The following UFSP2 variants were observed in gnomAD, a reference collection of about 807,000 sequenced individuals.
The protein encoded by UFSP2 is ufm1-specific protease 2.
Under a neutral mutation model 60.2 loss-of-function variants are expected in UFSP2, and 43 were observed. The observed-to-expected ratio is 0.71, with a 90% CI of 0.56 to 0.92. The LOEUF (loss-of-function observed/expected upper bound fraction) is 0.92. Among genes scored for constraint, UFSP2 ranks in the 40% least tolerant of loss-of-function variants. The pLI, the probability that UFSP2 is intolerant of heterozygous loss-of-function variation, is 0.00. For missense variants in UFSP2, 520 were observed against 575.0 expected (o/e 0.90, Z 0.98); for synonymous variants, 183 against 195.1 (o/e 0.94, Z 0.52).
Position 185,415,227 on chromosome 4 carries a change from T to G in UFSP2, c.612A>C (p.Pro204=). The change falls in exon 6 of 12, where the codon CCA becomes CCC. Residue 204 remains proline, a synonymous_variant. Coordinates refer to ENST00000264689, the MANE Select transcript of UFSP2 (RefSeq NM_018359.5). ...AAATTGTTACAAGATTTTTTTTCCC[T>G]GGTAATAAAAAGTGCAGTGGTTCAG... ...VVPEPLHFLL[P]GKKNLVTISY... 1 of 1,606,468 alleles carries G rather than the reference T, an allele frequency of 6.2e-7. No individual in the cohort carries two copies. The highest frequency in any genetic ancestry group is 8.5e-7 in the Non-Finnish European group (1 of 1,178,512).
chr4:185,422,703 T>G (rs1028437875), intron 1 of UFSP2, 140 bp from the exon 2 acceptor site: 1 of 691,780 alleles, frequency 1.4e-6, no homozygotes, highest in African/African-American at 1.9e-5. Flanking sequence ...ATTCCTTGTT[T>G]TATAGAAAAA....
At chr4:185,402,621 G>A (rs999046838) in intron 11 of UFSP2, among the ~76,000 whole-genome samples, 9 of 152,080 alleles carry the variant, frequency 5.9e-5, no homozygotes, top group South Asian at 2.1e-4. Context: ...GATTATAGGC[G>A]CCCACCACCA....
intron 11 of UFSP2, chr4:185,402,116 TC>T: frequency 3.5e-6 from 1 of 287,382 alleles, no homozygotes; most frequent in Non-Finnish European, 7.1e-6. Context: ...ATTTTTTTTT[TC>T]TCGAGAGTCC....
intron 10 of UFSP2, 89 bp from the exon 11 acceptor site, chr4:185,403,707 G>C (rs566780188): frequency 6.7e-7 from 1 of 1,497,702 alleles, no homozygotes; most frequent in African/African-American, 1.4e-5. Flanking sequence ...ACGGCCGGGC[G>C]TGGTGGCTCA....
chr4:185,422,223 A>T (rs2095550690), intron 2 of UFSP2, among the ~76,000 whole-genome samples: 1 of 152,242 alleles, frequency 6.6e-6, no homozygotes, highest in Non-Finnish European at 1.5e-5. Flanking sequence ...GGATATTTAC[A>T]TTTATTGTAA....
rs1375667872 is a variant in UFSP2, at chr4:185,418,358, T to G, written c.333+83A>C. ...ATATTCTGACCTATGATAAGAGGGT[T>G]AAATTATTTCTAAGATTGCACTCAG... On this transcript the variant is annotated intron_variant, in intron 4 of 11. Coordinates refer to ENST00000264689, the MANE Select transcript of UFSP2 (RefSeq NM_018359.5). 1.1e-5 allele frequency: 12 copies of G among 1,083,690 alleles called. No individual in the cohort carries two copies. In the South Asian group the frequency reaches 1.4e-4, roughly 12 times the overall value. 67.1% of individuals were successfully genotyped at this position (1,083,690 alleles called of 1,614,324 possible).
rs1029329906 is a variant in UFSP2, at chr4:185,425,904, T to C, written c.-36A>G. 202 of 1,584,812 alleles carry C rather than the reference T, an allele frequency of 1.3e-4. No homozygotes were observed. Among genetic ancestry groups the C allele is most frequent in the Non-Finnish European group, 1.6e-4 (185 of 1,165,984 alleles). On this transcript the variant is annotated 5_prime_UTR_variant, in exon 1 of 12. Coordinates refer to ENST00000264689, the MANE Select transcript of UFSP2 (RefSeq NM_018359.5). Reference sequence around the variant, plus strand: ...TGGCGGTGACACGGGCGCTGACGCCTGCCCAAAAGTTCCGGGGGCCGGCCC... The same window carrying C: ...TGGCGGTGACACGGGCGCTGACGCCCGCCCAAAAGTTCCGGGGGCCGGCCC...
At chr4:185,419,090 C>T (rs1306636673) in intron 2 of UFSP2, among the ~76,000 whole-genome samples, 1 of 152,106 alleles carries the variant, frequency 6.6e-6, no homozygotes, top group African/African-American at 2.4e-5. Flanking sequence ...TCTCATTCCC[C>T]CTACTTTTCT....
chr4:185,407,458 G>A (rs2095522533), intron 9 of UFSP2, among the ~76,000 whole-genome samples: 1 of 151,950 alleles, frequency 6.6e-6, no homozygotes, highest in African/African-American at 2.4e-5. Context: ...TAGAATTATG[G>A]TTAAGATCAT....
chr4:185,407,757 CA>C (rs200719389), intron 9 of UFSP2, among the ~76,000 whole-genome samples, 178 bp downstream of exon 9: 24 of 137,154 alleles, frequency 1.7e-4, no homozygotes, highest in African/African-American at 5.7e-4. Flanking sequence ...CAGAGCCTTC[CA>C]AAAAAAAATG....
chr4:185,423,173 T>C (rs1218651546), intron 1 of UFSP2, among the ~76,000 whole-genome samples: 2 of 152,212 alleles, frequency 1.3e-5, no homozygotes, highest in Non-Finnish European at 2.9e-5. Flanking sequence ...CAGGGATATT[T>C]AAAAGTATCC....
At position 185,403,539 on chromosome 4, in the gene UFSP2, A is replaced by G. The variant is rs989128141; in HGVS notation, c.1278T>C (p.Asp426=). Reference sequence around the variant, plus strand: ...GGTCTTCAGCACCGGTATAATGTGGATCTAGAATCAGAAACTTTATCTGCC... The same window carrying G: ...GGTCTTCAGCACCGGTATAATGTGGGTCTAGAATCAGAAACTTTATCTGCC... The part of the protein sequence containing the change: ...ITGQIKFLIL[D]PHYTGAEDLQ... The change falls in exon 11 of 12, where the codon GAT becomes GAC. Residue 426 remains aspartate (D), a synonymous_variant. Coordinates refer to ENST00000264689, the MANE Select transcript of UFSP2 (RefSeq NM_018359.5). 6 of 1,614,162 alleles carry G rather than the reference A, an allele frequency of 3.7e-6. No homozygotes were observed. The highest frequency in any genetic ancestry group is 5.1e-6 in the Non-Finnish European group (6 of 1,180,026).
At chr4:185,415,681 T>C (rs1461029722) in intron 5 of UFSP2, 29 bp downstream of exon 5, 51 of 1,583,672 alleles carry the variant, frequency 3.2e-5, no homozygotes, top group Non-Finnish European at 4.4e-5. Context: ...CTCATTCAAA[T>C]GTGGCAGTGG....
chr4:185,413,789 G>T lies in UFSP2; in HGVS notation c.768C>A (p.Tyr256Ter). ...GTGGATTTCTAATGTAACCATCTTT[G>T]TATGGCTCATCTGGAAAGTGATAAG... ...SNAYHFPDEPYKDGYIRNPHT... is the reference protein window; with the variant it reads ...SNAYHFPDEP The change falls in exon 7 of 12, where the codon TAC becomes TAA. Residue 256 changes from tyrosine to a stop codon, truncating the protein, a stop_gained. Transcript: ENST00000264689. LOFTEE classifies it high-confidence loss of function. The T allele has an allele frequency of 6.2e-7, 1 of 1,613,454 alleles. No homozygotes were observed. The highest frequency in any genetic ancestry group is 1.1e-5 in the South Asian group (1 of 91,034).
In UFSP2 at chr4:185,418,475, A is replaced by C; in HGVS notation, c.299T>G (p.Phe100Cys). The C allele has an allele frequency of 6.2e-7, 1 of 1,611,496 alleles. No homozygotes were observed. The highest frequency in any genetic ancestry group is 8.5e-7 in the Non-Finnish European group (1 of 1,178,096). The change falls in exon 4 of 12, where the codon TTC becomes TGC. Residue 100 changes from phenylalanine (F) to cysteine (C), a missense_variant. Physicochemically the swap from Phe to Cys is radical, Grantham distance 205. Transcript: ENST00000264689. Reference protein sequence around the residue: ...FEPEEDIKRKFMRKKDKKLSD... With the variant: ...FEPEEDIKRKCMRKKDKKLSD... The stretch of plus-strand genomic sequence containing the variant: ...TAACTTTTTGTCCTTCTTTCTCATG[A>C]ATTTTCTTTTTATATCTTCTTCTGG...
Position 185,416,068 on chromosome 4 carries a change from C to G in UFSP2, c.334-201G>C, listed in dbSNP as rs934235379. Reference sequence around the variant, plus strand: ...CTGTGAATGATCAACTGAGATAACTCACTACCCTCAGACCAGCCAGTAGAA... The same window carrying G: ...CTGTGAATGATCAACTGAGATAACTGACTACCCTCAGACCAGCCAGTAGAA... On this transcript the variant is annotated intron_variant, in intron 4 of 11. Transcript: ENST00000264689. 1.7e-5 allele frequency: 7 copies of G among 414,404 alleles called. No individual in the cohort carries two copies. In the Admixed American group the frequency reaches 2.9e-4, roughly 17 times the overall value. 25.7% of individuals were successfully genotyped at this position (414,404 alleles called of 1,614,324 possible). A position where few individuals can be genotyped will look rare whatever the true frequency, so the allele number is the denominator to read the frequency against.
At chr4:185,419,025 T>C (rs1267598278) in intron 2 of UFSP2, among the ~76,000 whole-genome samples, 4 of 152,228 alleles carry the variant, frequency 2.6e-5, no homozygotes, top group Non-Finnish European at 5.9e-5. Context: ...TGATCACTAA[T>C]TCTAGAACAT....
intron 4 of UFSP2, among the ~76,000 whole-genome samples, chr4:185,416,301 A>G (rs2095538598): frequency 6.6e-6 from 1 of 152,238 alleles, no homozygotes; most frequent in Non-Finnish European, 1.5e-5. Context: ...CCACTTTTGT[A>G]CTGATTTAAA....
chr4:185,423,970 TAAATG>T (rs1377759991), intron 1 of UFSP2, among the ~76,000 whole-genome samples: 2 of 152,066 alleles, frequency 1.3e-5, no homozygotes, highest in African/African-American at 2.4e-5. Flanking sequence ...TATTTTGAAA[TAAATG>T]AATAAGTACT....
Sources: gnomAD v4.1 joint callset for allele counts (sites outside exome capture counted in the v4.1 genomes callset) on GRCh38, gnomAD v4.1.1 for gene constraint, MANE v1.5 for transcripts, NCBI Gene and HGNC (gene_info 2026-07-23, HGNC 2026-07-21) for gene names.